The following INVS variants were observed in gnomAD, a reference collection of about 807,000 sequenced individuals.
INVS encodes inversion of embryo turning homolog.
In INVS, 86 loss-of-function variants were observed where a neutral mutation model predicts 108.8. The ratio of observed to expected loss-of-function variants is 0.79; its 90% confidence interval spans 0.66 to 0.95. The LOEUF is 0.95. Among genes scored for constraint, INVS ranks in the 40% least tolerant of loss-of-function variants. The pLI is 0.00. For missense variants in INVS, 1,169 were observed against 1,297.4 expected (o/e 0.90, Z 1.52); for synonymous variants, 455 against 473.5 (o/e 0.96, Z 0.51).
chr9:100,235,643 A>G (rs1179393778), intron 5 of INVS, among the ~76,000 whole-genome samples: 1 of 152,186 alleles, frequency 6.6e-6, no homozygotes, highest in East Asian at 1.9e-4. Flanking sequence ...TTGGCTGGAT[A>G]TGAAATTCTG....
rs1189614602 is a variant in INVS, at chr9:100,100,954, ATT to A, written c.-25+1539_-25+1540del. Among the ~76,000 whole-genome samples the A allele has an allele frequency of 3.5e-3, 124 of 35,106 alleles. 1 individual carries two copies. In the East Asian group the frequency reaches 0.14, roughly 40 times the overall value. The allele number at this position is 35,106 out of a possible 152,430, so 23.0% of individuals were successfully genotyped here. ...ATATATATAATATATATACATATAT[ATT>A]ATATATATAATATATATTATATATA... is the stretch of plus-strand genomic sequence containing the variant. On this transcript the variant is annotated intron_variant, in intron 1 of 16. Transcript: ENST00000262457.
chr9:100,163,331 G>A (rs554595982), intron 3 of INVS, among the ~76,000 whole-genome samples: 24 of 152,112 alleles, frequency 1.6e-4, no homozygotes, highest in African/African-American at 4.8e-4. Context: ...ACTGAGAAGT[G>A]TAGTGATAAA....
At chr9:100,103,058 G>A (rs1454752660) in intron 1 of INVS, among the ~76,000 whole-genome samples, 1 of 152,076 alleles carries the variant, frequency 6.6e-6, no homozygotes, top group Non-Finnish European at 1.5e-5. Flanking sequence ...TCGCCATGTT[G>A]GCCACGCTGG....
At chr9:100,249,306 A>G (rs1344440144) in intron 8 of INVS, among the ~76,000 whole-genome samples, 1 of 152,168 alleles carries the variant, frequency 6.6e-6, no homozygotes, top group Non-Finnish European at 1.5e-5. Flanking sequence ...CCTGGGCTAC[A>G]TTTAGTTTTA....
At position 100,100,783 on chromosome 9, in the gene INVS, AT is replaced by A. The variant is rs1245375308; in HGVS notation, c.-25+1368del. ...TATATAATATATGTATATATAATATATATTATATATATAATATATGTATATA... is the reference window on the plus strand; with the variant it reads ...TATATAATATATGTATATATAATATAATTATATATATAATATATGTATATA... On this transcript the variant is annotated intron_variant, in intron 1 of 16. Transcript: ENST00000262457. 9.7e-3 allele frequency among the ~76,000 whole-genome samples: 64 copies of A among 6,624 alleles called. 26 individuals are homozygous for A. In the East Asian group the frequency reaches 0.097, roughly 10 times the overall value. The allele number at this position is 6,624 out of a possible 152,430, so 4.3% of individuals were successfully genotyped here.
At chr9:100,103,409 T>C (rs1440422644) in intron 1 of INVS, among the ~76,000 whole-genome samples, 1 of 151,738 alleles carries the variant, frequency 6.6e-6, no homozygotes, top group African/African-American at 2.4e-5. Flanking sequence ...GGCAGATCAC[T>C]TGAGATCAGG....
intron 5 of INVS, among the ~76,000 whole-genome samples, chr9:100,233,839 C>G (rs1831593594): frequency 6.6e-6 from 1 of 151,808 alleles, no homozygotes; most frequent in African/African-American, 2.4e-5. Context: ...TTCTATTTTT[C>G]TTGTGTCTCT....
Position 100,198,264 on chromosome 9 carries a change from A to ATTTTT in INVS, c.274-27751_274-27747dup, listed in dbSNP as rs66710233. 2.5e-4 allele frequency among the ~76,000 whole-genome samples: 16 copies of ATTTTT among 65,284 alleles called. 1 individual carries two copies. Among genetic ancestry groups the ATTTTT allele is most frequent in the Non-Finnish European group, 3.4e-4 (12 of 35,608 alleles). 42.8% of individuals were successfully genotyped at this position (65,284 alleles called of 152,430 possible). ...ACACATTTGAAGATTGAGGGCTAGA[A>ATTTTT]TTTTTTTTTTTTTTTTTTTTTTTTT... is the stretch of plus-strand genomic sequence containing the variant. On this transcript the variant is annotated intron_variant, in intron 3 of 16. Transcript: ENST00000262457.
chr9:100,296,512 C>T (rs1564195228), intron 14 of INVS, among the ~76,000 whole-genome samples: 1 of 152,210 alleles, frequency 6.6e-6, no homozygotes, highest in Non-Finnish European at 1.5e-5. Context: ...ATGCCCTTCT[C>T]TGCCTGGTAA....
At chr9:100,263,265 G>A (rs370370530) in intron 10 of INVS, among the ~76,000 whole-genome samples, 2 of 152,080 alleles carry the variant, frequency 1.3e-5, no homozygotes, top group African/African-American at 4.8e-5. Flanking sequence ...ATTACCACAG[G>A]TTTAGTGGCT....
intron 4 of INVS, 30 bp from the exon 5 acceptor site, chr9:100,229,630 T>G (rs1441910324): frequency 6.8e-6 from 11 of 1,608,666 alleles, no homozygotes; most frequent in Non-Finnish European, 9.4e-6. Context: ...TTGTTACTGT[T>G]GTTATTTCGA....
At chr9:100,228,121 G>A (rs937082680) in intron 4 of INVS, among the ~76,000 whole-genome samples, 2 of 151,320 alleles carry the variant, frequency 1.3e-5, no homozygotes, top group Non-Finnish European at 1.5e-5. Context: ...CTCCCAAGTA[G>A]CTGGGATTAC....
In INVS at chr9:100,129,660, T is replaced by C. The variant is rs1371195397; in HGVS notation, c.273+3111T>C. 5.7e-6 allele frequency: 4 copies of C among 705,268 alleles called. No individual in the cohort carries two copies. In the East Asian group the frequency reaches 1.1e-4, roughly 19 times the overall value. The allele number at this position is 705,268 out of a possible 1,614,324, so 43.7% of individuals were successfully genotyped here. ...TCTGTAAAAACTGAATAAAATACTA[T>C]ATACATTGTTTGAAGGCATTGAGAA... On this transcript the variant is annotated intron_variant, in intron 3 of 16. Coordinates refer to ENST00000262457, the MANE Select transcript of INVS (RefSeq NM_014425.5).
chr9:100,102,201 A>G (rs1447367168), intron 1 of INVS, among the ~76,000 whole-genome samples: 1 of 151,862 alleles, frequency 6.6e-6, no homozygotes, highest in Non-Finnish European at 1.5e-5. Flanking sequence ...AAATTCAAGC[A>G]ATTCTCCCAC....
chr9:100,138,452 C>T (rs1424645137), intron 3 of INVS, among the ~76,000 whole-genome samples: 1 of 151,994 alleles, frequency 6.6e-6, no homozygotes, highest in Non-Finnish European at 1.5e-5. Context: ...ATTTAACCCT[C>T]AGAGCAACAT....
At chr9:100,208,173 C>T (rs1341538169) in intron 3 of INVS, among the ~76,000 whole-genome samples, 1 of 152,140 alleles carries the variant, frequency 6.6e-6, no homozygotes, top group Non-Finnish European at 1.5e-5. Flanking sequence ...AGATGAAGAG[C>T]AGTATAGAGT....
At chr9:100,279,165 A>G (rs917943185) in intron 12 of INVS, among the ~76,000 whole-genome samples, 1 of 152,246 alleles carries the variant, frequency 6.6e-6, no homozygotes, top group Non-Finnish European at 1.5e-5. Flanking sequence ...CGGATTGAAT[A>G]ATGTGGATTT....
chr9:100,100,947 CATATATATTAT>C (rs1826940283), intron 1 of INVS, among the ~76,000 whole-genome samples: 1 of 15,744 alleles, frequency 6.4e-5, no homozygotes, highest in Non-Finnish European at 1.0e-4. Context: ...AATATATATA[CATATATATTAT>C]ATATATAATA....
rs1007394906 is a variant in INVS at position 100,229,676 on chromosome 9, G to A, written c.464G>A (p.Trp155Ter). The A allele has an allele frequency of 8.7e-6, 14 of 1,613,902 alleles. No individual in the cohort carries two copies. The highest frequency in any genetic ancestry group is 1.1e-5 in the Non-Finnish European group (13 of 1,179,958). ...QDKNKQTALHWSAYYNNPEHV... is the reference protein window; with the variant it reads ...QDKNKQTALH ...ATTTTGCAGCAAACAGCTCTGCATT[G>A]GAGTGCCTACTACAATAACCCTGAG... Residue 155 changes from tryptophan (W) to a stop codon, truncating the protein, a stop_gained, in exon 5 of 17, where the codon TGG becomes TAG. Coordinates refer to ENST00000262457, the MANE Select transcript of INVS (RefSeq NM_014425.5). LOFTEE classifies it high-confidence loss of function.
Sources: allele counts gnomAD v4.1 joint callset (sites outside exome capture counted in the v4.1 genomes callset), GRCh38; gene constraint gnomAD v4.1.1; transcripts MANE v1.5; gene names NCBI Gene and HGNC (gene_info 2026-07-23, HGNC 2026-07-21).